Variants in MYT1L observed in about 807,000 individuals in gnomAD.
The protein encoded by MYT1L is myelin transcription factor 1-like protein.
MYT1L carries 12 observed loss-of-function variants against 126.7 expected under a neutral mutation model. The observed-to-expected ratio is 0.09, with a 90% CI of 0.06 to 0.15. MYT1L has a LOEUF of 0.15. Ranked by LOEUF, MYT1L falls within the 10% of genes least tolerant of loss-of-function variation. The pLI is 1.00. For synonymous variants in MYT1L, 541 were observed against 604.2 expected, an observed-to-expected ratio of 0.90 and a Z score of 1.53; for missense variants, 979 against 1,585.2, an observed-to-expected ratio of 0.62 and a Z score of 6.49.
At chr2:2,048,412 T>C (rs1428083892) in intron 4 of MYT1L, among the ~76,000 whole-genome samples, 1 of 152,186 alleles carries the variant, frequency 6.6e-6, no homozygotes, top group Non-Finnish European at 1.5e-5. Context: ...AACAAGGGCA[T>C]TCAAGCTTAG....
rs781013816 is a variant in MYT1L at position 1,922,570 on chromosome 2, G to A, written c.1199C>T (p.Ala400Val). ...CCGCTCATGACACCCATCCTCCTTCGCACAGCTGGCAAACACTCTCGACCG... is the reference window on the plus strand; with the variant it reads ...CCGCTCATGACACCCATCCTCCTTCACACAGCTGGCAAACACTCTCGACCG... ...SPRSRVFASC[A>V]KEDGCHERDD... Residue 400 changes from alanine (A) to valine (V), a missense_variant, in exon 10 of 25, where the codon GCG becomes GTG. Physicochemically the swap from Ala to Val is moderately conservative, Grantham distance 64. This residue lies in a region of MYT1L where 243 missense variants were observed against 363.9 expected (regional missense o/e 0.67). Coordinates refer to ENST00000647738, the MANE Select transcript of MYT1L (RefSeq NM_001303052.2). The surrounding 1 kb of genome is among the most constrained non-coding windows in gnomAD (Gnocchi z 7.4). 2 of 1,613,890 alleles carry A rather than the reference G, an allele frequency of 1.2e-6. No individual in the cohort carries two copies. Among genetic ancestry groups the A allele is most frequent in the Middle Eastern group, 1.6e-4 (1 of 6,062 alleles).
intron 4 of MYT1L, among the ~76,000 whole-genome samples, chr2:2,018,379 G>A (rs983286259): frequency 6.6e-6 from 1 of 152,162 alleles, no homozygotes. Context: ...TGGTGGCCAT[G>A]GAGAGACAGA....
chr2:2,184,133 T>C (rs964954629), intron 2 of MYT1L, among the ~76,000 whole-genome samples: 1 of 151,986 alleles, frequency 6.6e-6, no homozygotes, highest in African/African-American at 2.4e-5. Flanking sequence ...GCTTGAATAA[T>C]GTAGGTCATG....
At position 1,801,790 on chromosome 2, in the gene MYT1L, T is replaced by C. The variant is rs2034901539; in HGVS notation, c.3182A>G (p.Asn1061Ser). The C allele has an allele frequency of 6.3e-7, 1 of 1,590,404 alleles. No individual in the cohort carries two copies. The highest frequency in any genetic ancestry group is 8.6e-7 in the Non-Finnish European group (1 of 1,160,250). The change falls in exon 23 of 25, where the codon AAT becomes AGT. Residue 1061 changes from asparagine (N) to serine (S), a missense_variant. Physicochemically the swap from Asn to Ser is conservative, Grantham distance 46. Transcript: ENST00000647738. This position sits in a 1 kb window ranked among gnomAD's most constrained non-coding sequence, Gnocchi z 4.2. ...IKQRASNGIE[N>S]DEEIKQLDEE... ...ATCTAACTGTTTGATTTCTTCATCA[T>C]TTTCTATACCTGTAATAATGAATAT...
intron 3 of MYT1L, among the ~76,000 whole-genome samples, chr2:2,075,298 T>C (rs1414413458): frequency 6.6e-6 from 1 of 152,198 alleles, no homozygotes; most frequent in Non-Finnish European, 1.5e-5. Context: ...TTTGTGGGTC[T>C]TTCTTTTGAA....
intron 11 of MYT1L, among the ~76,000 whole-genome samples, chr2:1,914,269 C>T (rs369293599): frequency 4.6e-5 from 7 of 151,838 alleles, no homozygotes; most frequent in South Asian, 2.1e-4. Flanking sequence ...AAAACAAAAA[C>T]GAAAACAAAA....
chr2:1,950,435 G>C (rs181129895), intron 8 of MYT1L, among the ~76,000 whole-genome samples: 1 of 152,228 alleles, frequency 6.6e-6, no homozygotes, highest in Admixed American at 6.5e-5. Flanking sequence ...CCAACCTCAT[G>C]GGACACCGAG....
At position 2,228,477 on chromosome 2, in the gene MYT1L, C is replaced by T. The variant is rs2094074855; in HGVS notation, c.-420-55489G>A. Among the ~76,000 whole-genome samples the T allele has an allele frequency of 6.6e-6, 1 of 152,072 alleles. No homozygotes were observed. The highest frequency in any genetic ancestry group is 2.1e-4 in the South Asian group (1 of 4,816). On this transcript the variant is annotated intron_variant, in intron 2 of 24. Coordinates refer to ENST00000647738, the MANE Select transcript of MYT1L (RefSeq NM_001303052.2). This position sits in a 1 kb window ranked among gnomAD's most constrained non-coding sequence, Gnocchi z 5.9. ...TCTAATTAAATAGTTAAGATTTTTGCTGAAATCAGCAAGACAAATTGAACT... is the reference window on the plus strand; with the variant it reads ...TCTAATTAAATAGTTAAGATTTTTGTTGAAATCAGCAAGACAAATTGAACT...
intron 19 of MYT1L, chr2:1,841,107 G>A (rs1395507373): frequency 1.5e-4 from 47 of 314,100 alleles, no homozygotes; most frequent in Admixed American, 2.4e-4. Context: ...GGGTTTCACC[G>A]TGTTAGCCAG....
intron 4 of MYT1L, among the ~76,000 whole-genome samples, chr2:1,999,055 C>T (rs1260076703): frequency 6.6e-6 from 1 of 152,196 alleles, no homozygotes; most frequent in Non-Finnish European, 1.5e-5. Context: ...AGCACCACCA[C>T]TTACTACTTC....
intron 2 of MYT1L, among the ~76,000 whole-genome samples, chr2:2,248,103 A>T (rs1362914614): frequency 1.3e-5 from 2 of 151,962 alleles, no homozygotes; most frequent in Non-Finnish European, 2.9e-5. Context: ...CTGTTTTTTT[A>T]AAAAGGTAAA....
At chr2:2,173,533 T>A (rs2090343008) in intron 2 of MYT1L, among the ~76,000 whole-genome samples, 1 of 152,218 alleles carries the variant, frequency 6.6e-6, no homozygotes, top group Admixed American at 6.5e-5. Context: ...TTATTAACTT[T>A]CTATCATGTT....
intron 3 of MYT1L, among the ~76,000 whole-genome samples, chr2:2,141,438 T>C (rs1242522176): frequency 6.6e-6 from 1 of 152,182 alleles, no homozygotes; most frequent in African/African-American, 2.4e-5. Context: ...CACATTCCCT[T>C]TTCCCATCTC....
chr2:1,820,439 A>G (rs2038365510), intron 21 of MYT1L, among the ~76,000 whole-genome samples: 1 of 152,206 alleles, frequency 6.6e-6, no homozygotes, highest in Non-Finnish European at 1.5e-5. Context: ...TTATATGTCA[A>G]CATGGAGAGG....
intron 18 of MYT1L, among the ~76,000 whole-genome samples, chr2:1,865,355 C>T (rs1433885058): frequency 6.6e-6 from 1 of 152,160 alleles, no homozygotes; most frequent in Non-Finnish European, 1.5e-5. Context: ...GGCTGAGGCA[C>T]TCAGGGGTGT....
At chr2:1,926,958 A>G (rs1345833739) in intron 9 of MYT1L, among the ~76,000 whole-genome samples, 1 of 152,268 alleles carries the variant, frequency 6.6e-6, no homozygotes, top group African/African-American at 2.4e-5. Flanking sequence ...TTCTAAGTAA[A>G]AACACATATT....
chr2:2,234,861 T>C (rs1044929438), intron 2 of MYT1L, among the ~76,000 whole-genome samples: 1 of 152,168 alleles, frequency 6.6e-6, no homozygotes, highest in Non-Finnish European at 1.5e-5. Context: ...TATGTTGAAA[T>C]AGATGAGTGC....
intron 2 of MYT1L, among the ~76,000 whole-genome samples, chr2:2,189,812 G>A (rs1428628342): frequency 6.6e-6 from 1 of 150,994 alleles, no homozygotes; most frequent in Non-Finnish European, 1.5e-5. Flanking sequence ...AGGACCGCAC[G>A]GGGAGAAGCA....
chr2:1,905,425 C>A (rs972950401), intron 13 of MYT1L, among the ~76,000 whole-genome samples: 6 of 151,646 alleles, frequency 4.0e-5, no homozygotes, highest in Non-Finnish European at 8.8e-5. Context: ...ATGGTCTCGG[C>A]TCAATGCAAC....
Sources: gnomAD v4.1 joint callset for allele counts (sites outside exome capture counted in the v4.1 genomes callset) on GRCh38, gnomAD v4.1.1 for gene constraint, gnomAD v4.1.1 regional missense constraint, Gnocchi (gnomAD v3.1) non-coding constraint, MANE v1.5 for transcripts, NCBI Gene and HGNC (gene_info 2026-07-23, HGNC 2026-07-21) for gene names.